GPHN: variants seen among roughly 807,000 people sequenced by gnomAD.
The protein encoded by GPHN is gephyrin.
Under a neutral mutation model 95.5 loss-of-function variants are expected in GPHN, and 17 were observed. The ratio of observed to expected loss-of-function variants is 0.18; its 90% CI spans 0.12 to 0.27. GPHN has a LOEUF of 0.27. GPHN is among the 10% of genes least tolerant of loss of function. GPHN has a pLI of 1.00. For synonymous variants in GPHN, 320 were observed against 322.5 expected (o/e 0.99, Z 0.08); for missense variants, 660 against 978.1 (o/e 0.67, Z 4.34).
At chr14:67,286,428 T>C in the GPHN span, among the ~76,000 whole-genome samples, 1 of 152,192 alleles carries the variant, frequency 6.6e-6, no homozygotes, top group African/African-American at 2.4e-5. Flanking sequence ...ACAGGACTGA[T>C]TTAGTTACAT....
the GPHN span, among the ~76,000 whole-genome samples, chr14:67,369,402 C>T: frequency 6.6e-6 from 1 of 152,102 alleles, no homozygotes; most frequent in South Asian, 2.1e-4. Context: ...ATAGACAAAT[C>T]TATAATCATA....
the GPHN span, chr14:67,642,412 G>T: frequency 6.3e-7 from 1 of 1,588,976 alleles, no homozygotes; most frequent in African/African-American, 1.3e-5. Flanking sequence ...ATGGTGCTTG[G>T]GGCTCATAAC....
chr14:67,327,705 G>C, the GPHN span, among the ~76,000 whole-genome samples: 1 of 151,296 alleles, frequency 6.6e-6, no homozygotes, highest in African/African-American at 2.4e-5. Context: ...TGTTCTCATT[G>C]TTCAGTTCCC....
chr14:67,431,581 A>G, the GPHN span, among the ~76,000 whole-genome samples: 1 of 151,348 alleles, frequency 6.6e-6, no homozygotes, highest in Non-Finnish European at 1.5e-5. Context: ...GGTCCCAGCT[A>G]CTCTGGAGGC....
At chr14:67,259,417 C>G in the GPHN span, among the ~76,000 whole-genome samples, 1 of 151,804 alleles carries the variant, frequency 6.6e-6, no homozygotes, top group African/African-American at 2.4e-5. Context: ...TTGAGACCAG[C>G]CTGGCCAACA....
At chr14:66,674,301 T>C (rs1008726265) in intron 1 of GPHN, among the ~76,000 whole-genome samples, 3 of 152,058 alleles carry the variant, frequency 2.0e-5, no homozygotes, top group African/African-American at 7.2e-5. Context: ...GGTTTCACCA[T>C]GTTAGCCAGG....
At chr14:66,687,953 G>C (rs1208617824) in intron 2 of GPHN, among the ~76,000 whole-genome samples, 1 of 152,188 alleles carries the variant, frequency 6.6e-6, no homozygotes, top group East Asian at 1.9e-4. Flanking sequence ...TGAGTATTTG[G>C]TGTATTGCTC....
At chr14:67,584,245 T>C in the GPHN span, 2 of 946,342 alleles carry the variant, frequency 2.1e-6, no homozygotes, top group Non-Finnish European at 3.2e-6. Context: ...TCACTATCCC[T>C]CCACTGTTTC....
chr14:66,987,910 A>G (rs919995451), intron 9 of GPHN, among the ~76,000 whole-genome samples: 3 of 152,108 alleles, frequency 2.0e-5, no homozygotes, highest in African/African-American at 7.2e-5. Context: ...TGCTTTTTCA[A>G]TTCATTTTCT....
At chr14:67,104,042 T>A (rs2077891847) in intron 13 of GPHN, among the ~76,000 whole-genome samples, 2 of 152,142 alleles carry the variant, frequency 1.3e-5, no homozygotes, top group Admixed American at 1.3e-4. Flanking sequence ...CACTCATTCT[T>A]TCTATACCTA....
rs2066370180 is a variant in GPHN, at chr14:66,924,345, C to T, written c.828+53C>T. 3.1e-6 allele frequency: 3 copies of T among 955,668 alleles called. No individual in the cohort carries two copies. The South Asian group carries it at 3.9e-5, about 13-fold the overall frequency. 59.2% of individuals were successfully genotyped at this position (955,668 alleles called of 1,614,324 possible). A position where few individuals can be genotyped will look rare whatever the true frequency, so the allele number is the denominator to read the frequency against. On this transcript the variant is annotated intron_variant, in intron 8 of 22. Coordinates refer to ENST00000478722, the MANE Select transcript of GPHN (RefSeq NM_020806.5). ...GTTTTCCAAATATGTATTCTACTTC[C>T]TCTCCTTGGAGATAGGCTGTAACAT...
At chr14:66,586,883 C>G (rs2061442985) in intron 1 of GPHN, among the ~76,000 whole-genome samples, 1 of 151,352 alleles carries the variant, frequency 6.6e-6, no homozygotes, top group South Asian at 2.1e-4. Flanking sequence ...TTTATAGTAG[C>G]AAAGAAAAAA....
chr14:66,511,589 T>C (rs984803484), intron 1 of GPHN, among the ~76,000 whole-genome samples: 2 of 152,120 alleles, frequency 1.3e-5, no homozygotes, highest in Non-Finnish European at 2.9e-5. Context: ...TGTTGAAAGA[T>C]ATTTGTTCTT....
At chr14:67,685,045 CCTT>C in the GPHN span, 1 of 1,612,234 alleles carries the variant, frequency 6.2e-7, no homozygotes, top group Non-Finnish European at 8.5e-7. Flanking sequence ...AATCTCAAGA[CCTT>C]CTGTTAAGGC....
At chr14:67,378,314 C>CTT in the GPHN span, among the ~76,000 whole-genome samples, 569 of 107,600 alleles carry the variant, frequency 5.3e-3, 7 homozygotes, top group African/African-American at 0.015. Context: ...TCTCATGTGA[C>CTT]TTTTTTTTTT....
the GPHN span, among the ~76,000 whole-genome samples, chr14:67,614,348 A>G: frequency 1.2e-4 from 19 of 152,334 alleles, no homozygotes; most frequent in South Asian, 6.2e-4. Flanking sequence ...GAGAATTTGT[A>G]GTTTACCCTT....
chr14:66,675,173 T>TA (rs2066516024), intron 1 of GPHN, among the ~76,000 whole-genome samples: 1 of 150,366 alleles, frequency 6.7e-6, no homozygotes, highest in African/African-American at 2.4e-5. Context: ...GACGGAGTTT[T>TA]ACGCTTGTTG....
At chr14:67,389,133 A>G in the GPHN span, among the ~76,000 whole-genome samples, 1 of 152,094 alleles carries the variant, frequency 6.6e-6, no homozygotes, top group Non-Finnish European at 1.5e-5. Context: ...CTCGTGCCTC[A>G]GGCCCTAGGA....
At chr14:67,557,437 G>C in the GPHN span, 2 of 1,609,552 alleles carry the variant, frequency 1.2e-6, no homozygotes, top group Non-Finnish European at 1.7e-6. Flanking sequence ...TCATGCGCAA[G>C]GGAGCACCAT....
Sources: gnomAD v4.1 joint callset for allele counts (sites outside exome capture counted in the v4.1 genomes callset) on GRCh38, gnomAD v4.1.1 for gene constraint, MANE v1.5 for transcripts, NCBI Gene and HGNC (gene_info 2026-07-23, HGNC 2026-07-21) for gene names.